CSMD1: variants seen among roughly 807,000 people sequenced by gnomAD.
CSMD1 encodes the protein CUB and sushi domain-containing protein 1.
CSMD1 carries 213 observed loss-of-function variants against 417.5 expected under a neutral mutation model. The observed-to-expected ratio is 0.51, with a 90% CI of 0.46 to 0.57. CSMD1 has a LOEUF of 0.57. Ranked by LOEUF, CSMD1 falls within the 20% of genes least tolerant of loss-of-function variation. CSMD1 has a pLI of 0.00. For missense variants in CSMD1, 6,923 were observed against 4,529.7 expected (o/e 1.53, Z -15.17); for synonymous variants, 2,862 against 1,736.8 (o/e 1.65, Z -16.11).
At chr8:4,222,594 C>G (rs1248284694) in intron 3 of CSMD1, among the ~76,000 whole-genome samples, 1 of 152,214 alleles carries the variant, frequency 6.6e-6, no homozygotes, top group South Asian at 2.1e-4. Context: ...TCTGATTGTC[C>G]GAAGCCTGGC....
At chr8:4,112,733 A>C (rs770138510) in intron 3 of CSMD1, among the ~76,000 whole-genome samples, 1 of 152,198 alleles carries the variant, frequency 6.6e-6, no homozygotes, top group Non-Finnish European at 1.5e-5. Flanking sequence ...TACATGTTTA[A>C]AAATATTAAA....
chr8:3,247,163 C>G (rs1799934884), intron 26 of CSMD1, among the ~76,000 whole-genome samples: 2 of 152,116 alleles, frequency 1.3e-5, no homozygotes. Context: ...GGATGCAGGG[C>G]AAGGGCAGAA....
At chr8:4,414,289 G>A (rs75693736) in intron 3 of CSMD1, among the ~76,000 whole-genome samples, 2 of 152,168 alleles carry the variant, frequency 1.3e-5, no homozygotes, top group South Asian at 2.1e-4. Context: ...ACCCTGGTAA[G>A]AGGAAGCCCC....
chr8:4,163,227 T>A (rs1042924419), intron 3 of CSMD1, among the ~76,000 whole-genome samples: 12 of 152,192 alleles, frequency 7.9e-5, no homozygotes, highest in African/African-American at 2.9e-4. Context: ...ACGTAAGTTT[T>A]TAGCTCCTTC....
chr8:3,561,311 C>T (rs1415657177), intron 10 of CSMD1, among the ~76,000 whole-genome samples: 1 of 152,152 alleles, frequency 6.6e-6, no homozygotes, highest in Admixed American at 6.5e-5. Context: ...GGAAATCATT[C>T]TACGAAAAAG....
At chr8:4,196,430 T>A (rs1024870447) in intron 3 of CSMD1, among the ~76,000 whole-genome samples, 18 of 152,238 alleles carry the variant, frequency 1.2e-4, no homozygotes, top group Non-Finnish European at 2.1e-4. Flanking sequence ...CAGGCTACAG[T>A]CCTTTCTGAA....
At chr8:4,155,558 A>T (rs1257222951) in intron 3 of CSMD1, among the ~76,000 whole-genome samples, 1 of 152,202 alleles carries the variant, frequency 6.6e-6, no homozygotes, top group Non-Finnish European at 1.5e-5. Context: ...CATGTCTTAG[A>T]ACGAACGTTC....
chr8:4,231,445 G>C (rs116155795), intron 3 of CSMD1, among the ~76,000 whole-genome samples: 10 of 151,556 alleles, frequency 6.6e-5, no homozygotes, highest in Non-Finnish European at 1.2e-4. Flanking sequence ...TAGGTGTAGA[G>C]ATCAGACATT....
chr8:4,286,150 C>T (rs1161546231), intron 3 of CSMD1, among the ~76,000 whole-genome samples: 2 of 151,978 alleles, frequency 1.3e-5, no homozygotes, highest in East Asian at 1.9e-4. Flanking sequence ...TACGTTCTTT[C>T]TGGTACCATA....
At chr8:4,179,611 CA>C (rs1798243892) in intron 3 of CSMD1, among the ~76,000 whole-genome samples, 1 of 151,836 alleles carries the variant, frequency 6.6e-6, no homozygotes, top group South Asian at 2.1e-4. Flanking sequence ...TTCTGCACAG[CA>C]AAACAAACTA....
chr8:3,476,262 A>C lies in CSMD1; in HGVS notation c.1449-7438T>G, dbSNP rs1430715168. 2.0e-5 allele frequency among the ~76,000 whole-genome samples: 3 copies of C among 152,242 alleles called. 1 individual carries two copies. The highest frequency in any genetic ancestry group is 2.0e-4 in the Admixed American group (3 of 15,290). ...AATCTTTCATCAACATAACCCACTGAAATTCCCATGTTGTTGTGTGTATCA... is the reference window on the plus strand; with the variant it reads ...AATCTTTCATCAACATAACCCACTGCAATTCCCATGTTGTTGTGTGTATCA... On this transcript the variant is annotated intron_variant, in intron 11 of 69. Transcript: ENST00000635120.
chr8:4,245,291 A>C (rs1318642499), intron 3 of CSMD1, among the ~76,000 whole-genome samples: 2 of 152,180 alleles, frequency 1.3e-5, no homozygotes, highest in Non-Finnish European at 2.9e-5. Flanking sequence ...ATGTTAACAC[A>C]ACAAACACTG....
intron 3 of CSMD1, among the ~76,000 whole-genome samples, chr8:4,275,929 G>C (rs931468413): frequency 5.3e-5 from 8 of 152,168 alleles, no homozygotes; most frequent in African/African-American, 1.9e-4. Context: ...ATGATACTTT[G>C]TGTAAAAAGG....
At chr8:3,320,583 C>A (rs1395234245) in intron 23 of CSMD1, among the ~76,000 whole-genome samples, 1 of 152,198 alleles carries the variant, frequency 6.6e-6, no homozygotes, top group African/African-American at 2.4e-5. Context: ...AAGAATTCAA[C>A]ACCTTGAGCA....
chr8:3,574,962 T>C lies in CSMD1; in HGVS notation c.1327A>G (p.Thr443Ala). The C allele has an allele frequency of 1.2e-6, 2 of 1,612,452 alleles. No homozygotes were observed. Among genetic ancestry groups the C allele is most frequent in the Admixed American group, 1.7e-5 (1 of 60,006 alleles). Reference protein sequence around the residue: ...DNAHCVWVITTTDPDKVIKLA... With the variant: ...DNAHCVWVITATDPDKVIKLA... Reference sequence around the variant, plus strand: ...AGCCTTACCTTGTCCGGGTCGGTGGTGGTGATGACCCACACACAGTGTGCA... The same window carrying C: ...AGCCTTACCTTGTCCGGGTCGGTGGCGGTGATGACCCACACACAGTGTGCA... Residue 443 changes from threonine to alanine, a missense_variant, in exon 10 of 70, where the codon ACC becomes GCC. Coordinates refer to ENST00000635120, the MANE Select transcript of CSMD1 (RefSeq NM_033225.6).
intron 1 of CSMD1, among the ~76,000 whole-genome samples, chr8:4,990,080 G>C (rs941312801): frequency 6.6e-6 from 1 of 152,160 alleles, no homozygotes; most frequent in African/African-American, 2.4e-5. Flanking sequence ...AGATGCTTGA[G>C]ACATGGGGGA....
At position 4,633,890 on chromosome 8, in the gene CSMD1, G is replaced by T. The variant is rs201389403; in HGVS notation, c.302+3452C>A. Among the ~76,000 whole-genome samples the T allele has an allele frequency of 4.6e-5, 7 of 152,068 alleles. No individual in the cohort carries two copies. In the East Asian group the frequency reaches 1.4e-3, roughly 29 times the overall value. On this transcript the variant is annotated intron_variant, in intron 2 of 69. Transcript: ENST00000635120. ...ACATGTTAAAAAATAAGCATTTTGGGATTTGGTGACTGCATGGTTGGACCT... is the reference window on the plus strand; with the variant it reads ...ACATGTTAAAAAATAAGCATTTTGGTATTTGGTGACTGCATGGTTGGACCT...
intron 1 of CSMD1, among the ~76,000 whole-genome samples, chr8:4,745,407 A>C (rs886486275): frequency 6.6e-6 from 1 of 152,234 alleles, no homozygotes. Context: ...AAATATAAAT[A>C]TGTAGCTCTC....
intron 2 of CSMD1, among the ~76,000 whole-genome samples, chr8:4,622,151 G>C (rs765937273): frequency 3.4e-5 from 5 of 148,440 alleles, no homozygotes; most frequent in African/African-American, 1.3e-4. Context: ...AAGATTAAAC[G>C]CAAAGAGGGG....
Sources: allele counts gnomAD v4.1 joint callset (sites outside exome capture counted in the v4.1 genomes callset), GRCh38; gene constraint gnomAD v4.1.1; transcripts MANE v1.5; gene names NCBI Gene and HGNC (gene_info 2026-07-23, HGNC 2026-07-21).